Variants in NEK10 observed in about 807,000 individuals in gnomAD.
NEK10 encodes serine/threonine-protein kinase Nek10.
Under a neutral mutation model 159.8 loss-of-function variants are expected in NEK10, and 122 were observed. The ratio of observed to expected loss-of-function variants is 0.76; its 90% CI spans 0.66 to 0.89. The LOEUF (loss-of-function observed/expected upper bound fraction) is 0.89. Among genes scored for constraint, NEK10 ranks in the 40% least tolerant of loss-of-function variants. The pLI is 0.00. For missense variants in NEK10, 1,342 were observed against 1,323.1 expected (o/e 1.01, Z -0.22); for synonymous variants, 466 against 457.1 (o/e 1.02, Z -0.25).
chr3:27,206,747 A>G (rs1950578708), intron 23 of NEK10: 3 of 351,964 alleles, frequency 8.5e-6, no homozygotes, highest in Non-Finnish European at 1.2e-5. Flanking sequence ...CAATTTGCCT[A>G]TTTTATAAAT....
intron 20 of NEK10, among the ~76,000 whole-genome samples, chr3:27,286,890 A>G (rs1293210755): frequency 6.6e-6 from 1 of 152,098 alleles, no homozygotes; most frequent in Non-Finnish European, 1.5e-5. Flanking sequence ...GAGTTTTAGC[A>G]CTGAGTTTTT....
At chr3:27,349,303 T>C (rs1214241638) in intron 3 of NEK10, among the ~76,000 whole-genome samples, 1 of 152,092 alleles carries the variant, frequency 6.6e-6, no homozygotes. Flanking sequence ...ATTATTTTAC[T>C]CACTTCACCT....
At chr3:27,139,886 A>T (rs1240128451) in intron 31 of NEK10, among the ~76,000 whole-genome samples, 1 of 152,212 alleles carries the variant, frequency 6.6e-6, no homozygotes, top group Non-Finnish European at 1.5e-5. Flanking sequence ...ATTGAGAAAT[A>T]CATTGGAAAG....
At chr3:27,286,186 C>T (rs575282503) in intron 20 of NEK10, among the ~76,000 whole-genome samples, 17 of 141,584 alleles carry the variant, frequency 1.2e-4, no homozygotes, top group East Asian at 4.5e-4. Flanking sequence ...CTGGGGTTCA[C>T]GCCATTCTCC....
At chr3:27,280,194 G>A (rs2042058271) in intron 22 of NEK10, among the ~76,000 whole-genome samples, 1 of 151,802 alleles carries the variant, frequency 6.6e-6, no homozygotes, top group South Asian at 2.1e-4. Context: ...AACAACAGAG[G>A]ATGAGATATT....
intron 5 of NEK10, among the ~76,000 whole-genome samples, chr3:27,342,857 A>C (rs977379609): frequency 1.3e-5 from 2 of 152,168 alleles, no homozygotes; most frequent in African/African-American, 4.8e-5. Flanking sequence ...CTTATGCATA[A>C]TGATTCTGTT....
At chr3:27,262,775 G>A (rs186026289) in intron 22 of NEK10, among the ~76,000 whole-genome samples, 1,798 of 152,000 alleles carry the variant, frequency 0.012, 12 homozygotes, top group South Asian at 0.021. Context: ...CCGTGGCTTC[G>A]AACTTCCTCC....
chr3:27,188,317 C>T (rs1053788668), intron 26 of NEK10, among the ~76,000 whole-genome samples: 12 of 152,218 alleles, frequency 7.9e-5, no homozygotes, highest in Non-Finnish European at 1.5e-4. Context: ...CTTGTCTTTC[C>T]AAGTAGATTA....
At chr3:27,322,028 G>A in intron 6 of NEK10, 149 bp downstream of exon 6, 1 of 548,642 alleles carries the variant, frequency 1.8e-6, no homozygotes, top group Non-Finnish European at 3.3e-6. Context: ...TTTTTAAATA[G>A]TAGATGAGAC....
chr3:27,327,658 A>C (rs2046102744), intron 5 of NEK10, among the ~76,000 whole-genome samples: 1 of 152,240 alleles, frequency 6.6e-6, no homozygotes, highest in African/African-American at 2.4e-5. Flanking sequence ...ATTATAATGA[A>C]GCAGGGTTAA....
intron 26 of NEK10, among the ~76,000 whole-genome samples, chr3:27,191,377 C>CAAA (rs1949102768): frequency 1.3e-5 from 2 of 151,680 alleles, no homozygotes; most frequent in African/African-American, 4.8e-5. Context: ...CAACAGAACA[C>CAAA]TGATTGTGAT....
intron 15 of NEK10, among the ~76,000 whole-genome samples, chr3:27,294,915 T>G (rs556777095): frequency 2.6e-5 from 4 of 152,134 alleles, no homozygotes; most frequent in Non-Finnish European, 5.9e-5. Flanking sequence ...TTCCCCTTTC[T>G]TACATGTGAG....
At chr3:27,321,483 C>T (rs571015122) in intron 6 of NEK10, among the ~76,000 whole-genome samples, 16 of 152,118 alleles carry the variant, frequency 1.1e-4, no homozygotes, top group Non-Finnish European at 2.1e-4. Flanking sequence ...CCAGCCTGGC[C>T]AACATGGTGA....
At chr3:27,316,141 C>T (rs1474112913) in intron 6 of NEK10, among the ~76,000 whole-genome samples, 4 of 152,034 alleles carry the variant, frequency 2.6e-5, no homozygotes, top group Middle Eastern at 3.2e-3. Flanking sequence ...TCATGCAGAC[C>T]GTGATACCCA....
Position 27,290,670 on chromosome 3 carries a change from G to A in NEK10, c.1690C>T (p.Arg564Ter), listed in dbSNP as rs1341197362. 5 of 1,607,032 alleles carry A rather than the reference G, an allele frequency of 3.1e-6. No homozygotes were observed. Among genetic ancestry groups the A allele is most frequent in the East Asian group, 2.2e-5 (1 of 44,756 alleles). The change falls in exon 19 of 36, where the codon CGA (arginine) becomes TGA (stop). Residue 564 changes from arginine (R) to a stop codon, truncating the protein, a stop_gained. Coordinates refer to ENST00000691995, the MANE Select transcript of NEK10 (RefSeq NM_001394966.1). LOFTEE classifies it high-confidence loss of function. ...NPAFGKDKKD[R>*]DSSVRNIVSE... ...ACAATATTCCTTACGCTGCTGTCTC[G>A]ATCTTTCTTATCCTTTCCAAATGCT...
chr3:27,208,006 T>A (rs1316268524), intron 23 of NEK10, among the ~76,000 whole-genome samples: 1 of 151,980 alleles, frequency 6.6e-6, no homozygotes, highest in Non-Finnish European at 1.5e-5. Context: ...ATGAATAAAA[T>A]GTGTGTGTGT....
chr3:27,138,736 G>C (rs1002822043), intron 31 of NEK10, among the ~76,000 whole-genome samples: 3 of 152,196 alleles, frequency 2.0e-5, no homozygotes, highest in Non-Finnish European at 4.4e-5. Flanking sequence ...CCAGTGCTGA[G>C]TTTTGTTTGT....
intron 30 of NEK10, among the ~76,000 whole-genome samples, chr3:27,142,274 T>C (rs577921822): frequency 2.2e-4 from 33 of 152,316 alleles, no homozygotes; most frequent in Middle Eastern, 6.8e-3. Context: ...AGTCTGTTCT[T>C]AACCTGAGGA....
intron 23 of NEK10, among the ~76,000 whole-genome samples, chr3:27,225,793 G>A (rs1952574261): frequency 1.3e-5 from 2 of 152,144 alleles, no homozygotes; most frequent in African/African-American, 2.4e-5. Context: ...GCAAATCCAA[G>A]TCTTGCTGAC....
Sources: allele counts gnomAD v4.1 joint callset (sites outside exome capture counted in the v4.1 genomes callset), GRCh38; gene constraint gnomAD v4.1.1; transcripts MANE v1.5; gene names NCBI Gene and HGNC (gene_info 2026-07-23, HGNC 2026-07-21).